MRTFB: variants seen among roughly 807,000 people sequenced by gnomAD.
MRTFB encodes the protein myocardin-related transcription factor B.
Under a neutral mutation model 104.2 loss-of-function variants are expected in MRTFB, and 29 were observed. The ratio of observed to expected loss-of-function variants is 0.28; its 90% CI spans 0.21 to 0.38. The LOEUF (loss-of-function observed/expected upper bound fraction) is 0.38, where lower values mean the gene tolerates loss of function less well. MRTFB is among the 10% of genes least tolerant of loss of function. The probability of loss-of-function intolerance (pLI) is 1.00; values close to 1 mark genes in which losing one functional copy is unlikely to be tolerated. For missense variants in MRTFB, 1,270 were observed against 1,341.6 expected (o/e 0.95, Z 0.83); for synonymous variants, 535 against 519.5 (o/e 1.03, Z -0.41).
At chr16:14,079,924 A>G (rs2034296166) in intron 2 of MRTFB, among the ~76,000 whole-genome samples, 2 of 152,180 alleles carry the variant, frequency 1.3e-5, no homozygotes, top group South Asian at 4.1e-4. Context: ...AATTTTAAAT[A>G]AATTGGTTTG....
At chr16:14,128,473 A>G (rs2037268731) in intron 2 of MRTFB, among the ~76,000 whole-genome samples, 1 of 152,234 alleles carries the variant, frequency 6.6e-6, no homozygotes, top group South Asian at 2.1e-4. Flanking sequence ...TTCAGTGTTT[A>G]GCAGTAATGC....
chr16:14,010,745 G>A, the MRTFB span, among the ~76,000 whole-genome samples: 247 of 152,328 alleles, frequency 1.6e-3, 1 homozygote, highest in African/African-American at 5.8e-3. Flanking sequence ...GACCTCTAGA[G>A]TTGCCTTGTC....
chr16:14,006,816 G>A, the MRTFB span, among the ~76,000 whole-genome samples: 1 of 151,260 alleles, frequency 6.6e-6, no homozygotes, highest in Non-Finnish European at 1.5e-5. Flanking sequence ...AGGAGTTCAA[G>A]ACCAGCCTGG....
At chr16:14,086,345 G>A (rs1399983746) in intron 2 of MRTFB, among the ~76,000 whole-genome samples, 1 of 152,178 alleles carries the variant, frequency 6.6e-6, no homozygotes, top group East Asian at 1.9e-4. Context: ...GGATTCCAAA[G>A]AGTTCATGAG....
chr16:14,207,147 G>A (rs1436496200), intron 3 of MRTFB, among the ~76,000 whole-genome samples: 4 of 152,162 alleles, frequency 2.6e-5, no homozygotes, highest in Middle Eastern at 3.2e-3. Flanking sequence ...GGGGGAGGCC[G>A]ATGGCCACAG....
rs760621592 is a variant in MRTFB at position 14,246,605 on chromosome 16, G to A, written c.1345G>A (p.Val449Met). 3 of 1,614,170 alleles carry A rather than the reference G, an allele frequency of 1.9e-6. No homozygotes were observed. Among genetic ancestry groups the A allele is most frequent in the Non-Finnish European group, 2.5e-6 (3 of 1,180,034 alleles). The change falls in exon 12 of 17, where the codon GTG (valine) becomes ATG (methionine). Residue 449 changes from valine (V) to methionine (M), a missense_variant. Physicochemically the swap from Val to Met is conservative, Grantham distance 21. Transcript: ENST00000571589. ...CCTTGCTGCTGGGGGCATCGTGGCA[G>A]TGTCATCATCAGCCATTGTCACCAG... ...SGLAAGGIVAVSSSAIVTSNP... is the reference protein window; with the variant it reads ...SGLAAGGIVAMSSSAIVTSNP...
chr16:14,094,980 A>G (rs1331238937), intron 2 of MRTFB, among the ~76,000 whole-genome samples: 2 of 152,228 alleles, frequency 1.3e-5, no homozygotes, highest in African/African-American at 2.4e-5. Context: ...TAAATATATA[A>G]AGCCACTTTA....
intron 2 of MRTFB, among the ~76,000 whole-genome samples, chr16:14,135,823 C>T (rs1354913339): frequency 6.6e-6 from 1 of 152,208 alleles, no homozygotes; most frequent in East Asian, 1.9e-4. Flanking sequence ...ATGCCCTCTA[C>T]ACTGGCCCCA....
chr16:14,251,894 T>C lies in MRTFB; in HGVS notation c.2436T>C (p.Val812=), dbSNP rs749028578. 7.4e-6 allele frequency: 12 copies of C among 1,614,220 alleles called. No homozygotes were observed. The South Asian group carries it at 1.3e-4, about 18-fold the overall frequency. The change falls in exon 14 of 17, where the codon GTT becomes GTC. Residue 812 remains valine (V), a synonymous_variant. Transcript: ENST00000571589. ...CAAACTCAGCATCATCAAATACAGT[T>C]CTTCCATATCAGAGACATCCTGCCC... The part of the protein sequence containing the change: ...VFTNSASSNT[V]LPYQRHPAPA...
At chr16:14,205,205 G>A (rs1266744687) in intron 3 of MRTFB, among the ~76,000 whole-genome samples, 1 of 151,970 alleles carries the variant, frequency 6.6e-6, no homozygotes, top group African/African-American at 2.4e-5. Flanking sequence ...TTATCCTACT[G>A]TTTTCTATTT....
At chr16:13,997,221 T>G in the MRTFB span, among the ~76,000 whole-genome samples, 34,448 of 152,144 alleles carry the variant, frequency 0.23, 4,420 homozygotes, top group African/African-American at 0.32. Context: ...AATGTTCACA[T>G]GCAATGGCTT....
chr16:14,173,213 A>G (rs1351835205), intron 3 of MRTFB, among the ~76,000 whole-genome samples: 1 of 151,786 alleles, frequency 6.6e-6, no homozygotes. Context: ...CATTTTTTCC[A>G]TATGAACTTG....
At chr16:14,111,556 TGTGCTTG>T (rs1345969227) in intron 2 of MRTFB, among the ~76,000 whole-genome samples, 3 of 152,208 alleles carry the variant, frequency 2.0e-5, no homozygotes, top group Non-Finnish European at 4.4e-5. Flanking sequence ...GTTTTCTGGA[TGTGCTTG>T]GTGCTTGGCT....
intron 9 of MRTFB, 104 bp downstream of exon 9, chr16:14,234,387 C>A: frequency 7.5e-7 from 1 of 1,339,988 alleles, no homozygotes; most frequent in East Asian, 2.4e-5. Context: ...GCTCAGCCTG[C>A]CTTTTAGCCC....
At chr16:14,065,124 C>G in the MRTFB span, among the ~76,000 whole-genome samples, 1 of 152,092 alleles carries the variant, frequency 6.6e-6, no homozygotes, top group African/African-American at 2.4e-5. Context: ...TGTGTCATCT[C>G]TCTTTTCTTT....
chr16:13,995,256 G>C, the MRTFB span, among the ~76,000 whole-genome samples: 1 of 152,066 alleles, frequency 6.6e-6, no homozygotes, highest in Non-Finnish European at 1.5e-5. Flanking sequence ...CAGAAACTGG[G>C]GTCAGGTTAT....
At chr16:13,996,041 G>A in the MRTFB span, among the ~76,000 whole-genome samples, 2 of 152,142 alleles carry the variant, frequency 1.3e-5, no homozygotes, top group African/African-American at 4.8e-5. Context: ...GGAGGCCAAG[G>A]TGGGCAGATC....
chr16:14,135,684 TC>T (rs1184898631), intron 2 of MRTFB, among the ~76,000 whole-genome samples: 1 of 152,238 alleles, frequency 6.6e-6, no homozygotes. Flanking sequence ...TGAGACTTTA[TC>T]AGTAACTGGT....
At chr16:14,011,745 G>A in the MRTFB span, among the ~76,000 whole-genome samples, 4 of 152,220 alleles carry the variant, frequency 2.6e-5, no homozygotes, top group South Asian at 4.1e-4. Flanking sequence ...GGTGGTGGGC[G>A]CCTGTAATCC....
Sources: allele counts gnomAD v4.1 joint callset (sites outside exome capture counted in the v4.1 genomes callset), GRCh38; gene constraint gnomAD v4.1.1; transcripts MANE v1.5; gene names NCBI Gene and HGNC (gene_info 2026-07-23, HGNC 2026-07-21).